The following NUP210L variants were observed in gnomAD, a reference collection of about 807,000 sequenced individuals.
The protein encoded by NUP210L is nucleoporin 210 like.
Under a neutral mutation model 208.5 loss-of-function variants are expected in NUP210L, and 74 were observed. That is an observed-to-expected ratio of 0.35 (90% confidence interval 0.29 to 0.43). The LOEUF (loss-of-function observed/expected upper bound fraction) is 0.43. NUP210L is among the 20% of genes least tolerant of loss of function. NUP210L has a pLI of 1.00. For synonymous variants in NUP210L, 780 were observed against 816.9 expected (o/e 0.95, Z 0.77); for missense variants, 1,843 against 2,289.4 (o/e 0.81, Z 3.98).
At chr1:154,131,204 G>A (rs1403026214) in intron 7 of NUP210L, among the ~76,000 whole-genome samples, 2 of 151,328 alleles carry the variant, frequency 1.3e-5, no homozygotes, top group Admixed American at 6.6e-5. Context: ...CCCGGGAGGT[G>A]GAGCTTGCAG....
intron 25 of NUP210L, among the ~76,000 whole-genome samples, chr1:154,053,564 C>T (rs2790684): frequency 0.97 from 147,987 of 152,322 alleles, 71,916 homozygotes; most frequent in East Asian, 1. Flanking sequence ...GGGCAAGGAA[C>T]ACCTGGCCCA....
chr1:154,139,503 T>C (rs553444302), intron 5 of NUP210L, among the ~76,000 whole-genome samples: 1 of 152,208 alleles, frequency 6.6e-6, no homozygotes, highest in Non-Finnish European at 1.5e-5. Flanking sequence ...TAAAAAACTA[T>C]ATTTTCCATA....
intron 7 of NUP210L, among the ~76,000 whole-genome samples, chr1:154,129,795 A>AT (rs1342662786): frequency 2.0e-5 from 3 of 152,172 alleles, no homozygotes; most frequent in Non-Finnish European, 4.4e-5. Context: ...AACTCCACAG[A>AT]TAGTTTCAAA....
Position 154,001,732 on chromosome 1 carries a change from T to C in NUP210L, c.5181+3A>G, listed in dbSNP as rs1411531292. Reference sequence around the variant, plus strand: ...TTCTGTTTTGGTTCAGTTCTTAACATACCTCTAGCTTCCTAAGAACTCTGT... The same window carrying C: ...TTCTGTTTTGGTTCAGTTCTTAACACACCTCTAGCTTCCTAAGAACTCTGT... On this transcript the variant is annotated splice_donor_region_variant and intron_variant, in intron 36 of 39. Coordinates refer to ENST00000368559, the Ensembl canonical transcript of NUP210L. 1 of 1,613,932 alleles carries C rather than the reference T, an allele frequency of 6.2e-7. No individual in the cohort carries two copies. The highest frequency in any genetic ancestry group is 1.3e-5 in the African/African-American group (1 of 74,948).
At chr1:154,016,024 G>GC (rs1651230785) in intron 33 of NUP210L, among the ~76,000 whole-genome samples, 3 of 151,930 alleles carry the variant, frequency 2.0e-5, no homozygotes, top group Admixed American at 2.0e-4. Context: ...GGAGGCTGAG[G>GC]CAGAAAGATG....
At chr1:154,030,165 C>A in intron 27 of NUP210L, 111 bp from the exon 28 acceptor site, 1 of 732,590 alleles carries the variant, frequency 1.4e-6, no homozygotes, top group South Asian at 3.0e-5. Flanking sequence ...AATAAAAAGT[C>A]AGGAAAGGGT....
chr1:154,118,942 A>C, intron 10 of NUP210L, 134 bp from the exon 11 acceptor site: 1 of 460,842 alleles, frequency 2.2e-6, no homozygotes, highest in South Asian at 6.5e-5. Context: ...TAAAAGAAAT[A>C]AATAAATATT....
chr1:154,112,413 A>G (rs1202918048), intron 12 of NUP210L, among the ~76,000 whole-genome samples: 2 of 152,176 alleles, frequency 1.3e-5, no homozygotes, highest in African/African-American at 4.8e-5. Flanking sequence ...CTCTAAAAAA[A>G]CATTGCTAAA....
chr1:154,055,469 T>TCACAG (rs1042434668), intron 23 of NUP210L, among the ~76,000 whole-genome samples: 8 of 152,110 alleles, frequency 5.3e-5, no homozygotes, highest in African/African-American at 1.9e-4. Flanking sequence ...CAGGCTGGTC[T>TCACAG]CAAACTCCTA....
chr1:154,025,722 G>C lies in NUP210L; in HGVS notation c.3948-6C>G. On this transcript the variant is annotated splice_polypyrimidine_tract_variant and splice_region_variant and intron_variant, in intron 29 of 39. Coordinates refer to ENST00000368559, the Ensembl canonical transcript of NUP210L. ...TCACGAAGGCAGCTCCTTCCCTAGG[G>C]AACAAGGAAAGGAAGTGGCATCTTT... The C allele has an allele frequency of 6.2e-7, 1 of 1,609,024 alleles. No homozygotes were observed. Among genetic ancestry groups the C allele is most frequent in the Non-Finnish European group, 8.5e-7 (1 of 1,177,056 alleles).
intron 16 of NUP210L, among the ~76,000 whole-genome samples, chr1:154,078,108 C>G (rs564761572): frequency 6.7e-6 from 1 of 149,932 alleles, no homozygotes; most frequent in East Asian, 2.0e-4. Context: ...AGTTCAAGAC[C>G]AGCCTGGGCA....
intron 27 of NUP210L, among the ~76,000 whole-genome samples, chr1:154,043,410 G>A (rs1425481939): frequency 3.3e-5 from 5 of 151,922 alleles, no homozygotes; most frequent in Non-Finnish European, 5.9e-5. Flanking sequence ...CACCTCCCGG[G>A]TTCAAGCGAT....
intron 38 of NUP210L, among the ~76,000 whole-genome samples, chr1:153,993,567 GAAAAA>G (rs1211758853): frequency 1.6e-5 from 2 of 122,872 alleles, no homozygotes; most frequent in South Asian, 2.5e-4. Flanking sequence ...CTCTGTCTCA[GAAAAA>G]AAAAAAAAAG....
exon 28 of NUP210L, chr1:154,029,963 C>T (rs1180820557): frequency 3.7e-6 from 6 of 1,609,390 alleles, no homozygotes; most frequent in Non-Finnish European, 5.1e-6. Flanking sequence ...ACTGTTCATG[C>T]AGTGAACAGT....
chr1:154,003,369 G>A (rs564625176), intron 35 of NUP210L, among the ~76,000 whole-genome samples: 11 of 151,342 alleles, frequency 7.3e-5, no homozygotes, highest in East Asian at 2.0e-4. Flanking sequence ...CACCACATCC[G>A]GCTAATTTTT....
intron 4 of NUP210L, among the ~76,000 whole-genome samples, chr1:154,140,246 G>A (rs1277093304): frequency 6.6e-6 from 1 of 151,238 alleles, no homozygotes; most frequent in Non-Finnish European, 1.5e-5. Flanking sequence ...AGCTACTTGG[G>A]AAGCTGAGAC....
At chr1:153,999,554 A>G (rs1650086573) in intron 37 of NUP210L, among the ~76,000 whole-genome samples, 3 of 152,058 alleles carry the variant, frequency 2.0e-5, no homozygotes, top group Non-Finnish European at 1.5e-5. Flanking sequence ...CCTGGCCAAC[A>G]TGGTGAAACC....
chr1:154,057,038 GCA>G, intron 22 of NUP210L, 91 bp from the exon 23 acceptor site: 1 of 1,289,962 alleles, frequency 7.8e-7, no homozygotes, highest in Non-Finnish European at 1.1e-6. Context: ...GAGTGCAGTG[GCA>G]TGATCTCAGC....
intron 33 of NUP210L, among the ~76,000 whole-genome samples, chr1:154,013,938 T>C (rs534766371): frequency 1.3e-5 from 2 of 152,192 alleles, no homozygotes; most frequent in African/African-American, 2.4e-5. Context: ...CTGATTTTTG[T>C]ATCTTTAGTA....
Sources: allele counts gnomAD v4.1 joint callset (sites outside exome capture counted in the v4.1 genomes callset), GRCh38; gene constraint gnomAD v4.1.1; transcripts MANE v1.5; gene names NCBI Gene and HGNC (gene_info 2026-07-23, HGNC 2026-07-21).